ARB2A: variants seen among roughly 807,000 people sequenced by gnomAD.
ARB2A encodes cotranscriptional regulator ARB2A.
the ARB2A span, among the ~76,000 whole-genome samples, chr5:93,823,724 A>G: frequency 2.0e-5 from 3 of 152,308 alleles, no homozygotes; most frequent in Non-Finnish European, 2.9e-5. Flanking sequence ...TAGTAGGCTG[A>G]GGCAGGCGGA....
the ARB2A span, among the ~76,000 whole-genome samples, chr5:93,793,136 G>C: frequency 1.3e-5 from 2 of 151,632 alleles, no homozygotes; most frequent in Admixed American, 6.6e-5. Context: ...GCAGTGGTAG[G>C]ATCACAGCTT....
the ARB2A span, chr5:93,958,641 T>G: frequency 1.7e-6 from 1 of 594,248 alleles, no homozygotes; most frequent in African/African-American, 1.9e-5. Flanking sequence ...GAATAATCTT[T>G]CATACAAGTA....
At chr5:93,952,529 C>A in the ARB2A span, among the ~76,000 whole-genome samples, 1 of 152,256 alleles carries the variant, frequency 6.6e-6, no homozygotes, top group South Asian at 2.1e-4. Flanking sequence ...TGAAAAGTGT[C>A]CTGCCAGAAG....
chr5:94,088,434 A>C, the ARB2A span, among the ~76,000 whole-genome samples: 2 of 152,180 alleles, frequency 1.3e-5, no homozygotes, highest in East Asian at 3.8e-4. Flanking sequence ...TAACCCCAGC[A>C]CCTTGGGAGG....
the ARB2A span, among the ~76,000 whole-genome samples, chr5:93,813,939 G>A: frequency 2.6e-5 from 4 of 152,172 alleles, no homozygotes; most frequent in Non-Finnish European, 5.9e-5. Flanking sequence ...GGTTCTGCTA[G>A]TTTCTTTGAT....
the ARB2A span, among the ~76,000 whole-genome samples, chr5:93,622,686 A>C: frequency 1.4e-4 from 21 of 152,294 alleles, no homozygotes; most frequent in African/African-American, 4.8e-4. Flanking sequence ...CCAGTATTAA[A>C]GTCATATCCC....
At chr5:93,790,959 G>T in the ARB2A span, among the ~76,000 whole-genome samples, 1 of 152,140 alleles carries the variant, frequency 6.6e-6, no homozygotes, top group Non-Finnish European at 1.5e-5. Context: ...GAAAAGGCAT[G>T]TAAGAAATCA....
At chr5:93,996,929 A>G in the ARB2A span, among the ~76,000 whole-genome samples, 5 of 152,212 alleles carry the variant, frequency 3.3e-5, no homozygotes, top group African/African-American at 1.2e-4. Flanking sequence ...TAGTTGGCTC[A>G]ATCAACAAAT....
chr5:93,683,994 T>A, the ARB2A span, among the ~76,000 whole-genome samples: 1 of 152,210 alleles, frequency 6.6e-6, no homozygotes, highest in African/African-American at 2.4e-5. Flanking sequence ...TTATGTCTAG[T>A]ACTTGCATTA....
At chr5:93,885,185 T>C in the ARB2A span, among the ~76,000 whole-genome samples, 1 of 151,484 alleles carries the variant, frequency 6.6e-6, no homozygotes, top group African/African-American at 2.4e-5. Flanking sequence ...ACAACAAAAT[T>C]AGTAAGAAGA....
chr5:94,080,292 A>T, the ARB2A span, among the ~76,000 whole-genome samples: 1 of 152,180 alleles, frequency 6.6e-6, no homozygotes, highest in Admixed American at 6.5e-5. Context: ...AATAAAACAT[A>T]AACAATATTA....
chr5:93,740,313 A>G, the ARB2A span: 1 of 366,938 alleles, frequency 2.7e-6, no homozygotes, highest in Non-Finnish European at 4.9e-6. Flanking sequence ...AAATATCGAA[A>G]CCATCTATAT....
chr5:93,659,585 T>C, the ARB2A span, among the ~76,000 whole-genome samples: 4 of 152,010 alleles, frequency 2.6e-5, no homozygotes, highest in East Asian at 1.9e-4. Context: ...CAGTGGAAAA[T>C]GAAGAAGCAA....
chr5:93,773,549 T>C, the ARB2A span, among the ~76,000 whole-genome samples: 2 of 152,138 alleles, frequency 1.3e-5, no homozygotes, highest in Non-Finnish European at 2.9e-5. Flanking sequence ...GCAAAGAGTC[T>C]TGACCAACTA....
At chr5:94,100,847 T>C in the ARB2A span, among the ~76,000 whole-genome samples, 4 of 152,088 alleles carry the variant, frequency 2.6e-5, no homozygotes, top group Non-Finnish European at 5.9e-5. Flanking sequence ...GAAAACAACC[T>C]AGGCAATACC....
the ARB2A span, among the ~76,000 whole-genome samples, chr5:94,092,144 T>G: frequency 2.7e-5 from 4 of 147,890 alleles, no homozygotes; most frequent in African/African-American, 1.0e-4. Flanking sequence ...TTGACCAGCC[T>G]GGCCAACAAA....
chr5:93,882,352 G>A, the ARB2A span, among the ~76,000 whole-genome samples: 1 of 151,214 alleles, frequency 6.6e-6, no homozygotes, highest in African/African-American at 2.4e-5. Context: ...ATGTATGGAA[G>A]CAAGTCTTTA....
At chr5:93,710,863 T>C in the ARB2A span, among the ~76,000 whole-genome samples, 2 of 152,122 alleles carry the variant, frequency 1.3e-5, no homozygotes, top group Non-Finnish European at 2.9e-5. Flanking sequence ...GAAAAAAAAT[T>C]AAAAATAAAA....
At chr5:93,897,048 A>T in the ARB2A span, among the ~76,000 whole-genome samples, 5 of 152,172 alleles carry the variant, frequency 3.3e-5, no homozygotes, top group East Asian at 9.6e-4. Flanking sequence ...ATAAAGGGAA[A>T]GTATAGGTTG....
Sources: allele counts gnomAD v4.1 joint callset (sites outside exome capture counted in the v4.1 genomes callset), GRCh38; gene constraint gnomAD v4.1.1; transcripts MANE v1.5; gene names NCBI Gene and HGNC (gene_info 2026-07-23, HGNC 2026-07-21).